Variants in CAMK1D observed in about 807,000 individuals in gnomAD.
CAMK1D encodes the protein calcium/calmodulin dependent protein kinase ID.
A neutral mutation model predicts 47.7 loss-of-function variants in CAMK1D; 9 were observed. That is an observed-to-expected ratio of 0.19 (90% CI 0.11 to 0.33). The LOEUF (loss-of-function observed/expected upper bound fraction) is 0.33. CAMK1D is among the 10% of genes least tolerant of loss of function. The pLI, the probability that CAMK1D is intolerant of heterozygous loss-of-function variation, is 1.00. For missense variants in CAMK1D, 291 were observed against 488.7 expected (o/e 0.60, Z 3.81); for synonymous variants, 184 against 184.9 (o/e 0.99, Z 0.04).
chr10:12,402,513 A>G (rs1055140817), intron 1 of CAMK1D, among the ~76,000 whole-genome samples: 1 of 152,182 alleles, frequency 6.6e-6, no homozygotes, highest in Non-Finnish European at 1.5e-5. Context: ...TTTATGCCAC[A>G]CTTAGTCATT....
intron 3 of CAMK1D, among the ~76,000 whole-genome samples, chr10:12,713,264 G>T (rs1834003117): frequency 6.6e-6 from 1 of 152,164 alleles, no homozygotes; most frequent in Non-Finnish European, 1.5e-5. Context: ...TAGTAACAGG[G>T]TTTCACCAAG....
At chr10:12,673,382 A>C (rs570858859) in intron 3 of CAMK1D, among the ~76,000 whole-genome samples, 1 of 152,208 alleles carries the variant, frequency 6.6e-6, no homozygotes, top group Non-Finnish European at 1.5e-5. Flanking sequence ...TGTTCAATTT[A>C]TTCTGAAATA....
At chr10:12,660,450 G>A (rs1840242739) in intron 2 of CAMK1D, among the ~76,000 whole-genome samples, 1 of 152,148 alleles carries the variant, frequency 6.6e-6, no homozygotes, top group Admixed American at 6.5e-5. Context: ...AACGGGGCCT[G>A]TTTGTACATT....
chr10:12,772,794 T>C lies in CAMK1D; in HGVS notation c.565+2995T>C, dbSNP rs140471329. 8.5e-3 allele frequency among the ~76,000 whole-genome samples: 1,287 copies of C among 152,170 alleles called. 40 individuals are homozygous for C. The highest frequency in any genetic ancestry group is 0.066 in the East Asian group (340 of 5,184). On this transcript the variant is annotated intron_variant, in intron 5 of 10. Transcript: ENST00000619168. ...TGTAGCAGTGGCGTTCTTCTATTGG[T>C]TTGTGTTGACTGAGCGCTGAAACTC...
At chr10:12,544,759 TG>T (rs1836305807) in intron 1 of CAMK1D, among the ~76,000 whole-genome samples, 1 of 152,194 alleles carries the variant, frequency 6.6e-6, no homozygotes, top group Non-Finnish European at 1.5e-5. Context: ...ATTGAGTGGA[TG>T]GTACTAGTGT....
intron 1 of CAMK1D, among the ~76,000 whole-genome samples, chr10:12,380,122 A>G (rs1291955675): frequency 2.6e-5 from 4 of 152,034 alleles, no homozygotes; most frequent in Non-Finnish European, 5.9e-5. Context: ...GGCTGAGGCA[A>G]GAGAATGGTG....
At chr10:12,710,498 C>T (rs527570126) in intron 3 of CAMK1D, among the ~76,000 whole-genome samples, 3 of 152,286 alleles carry the variant, frequency 2.0e-5, no homozygotes, top group East Asian at 1.9e-4. Flanking sequence ...CAAATGCCTT[C>T]GATACAGTCT....
At chr10:12,436,360 G>A (rs1317541007) in intron 1 of CAMK1D, among the ~76,000 whole-genome samples, 14 of 152,200 alleles carry the variant, frequency 9.2e-5, no homozygotes, top group Non-Finnish European at 1.5e-5. Flanking sequence ...CCCCCTCTCA[G>A]GGACATCCCT....
At chr10:12,392,120 T>C (rs1838756617) in intron 1 of CAMK1D, among the ~76,000 whole-genome samples, 1 of 151,976 alleles carries the variant, frequency 6.6e-6, no homozygotes, top group South Asian at 2.1e-4. Flanking sequence ...CTGACCAACA[T>C]GGTGAAACTC....
intron 1 of CAMK1D, among the ~76,000 whole-genome samples, chr10:12,398,590 C>G (rs1010483021): frequency 2.6e-5 from 4 of 152,150 alleles, no homozygotes; most frequent in African/African-American, 9.7e-5. Flanking sequence ...CTCAGGTGAT[C>G]CGCCCGCCTC....
At chr10:12,481,420 C>G (rs1479545988) in intron 1 of CAMK1D, among the ~76,000 whole-genome samples, 2 of 152,160 alleles carry the variant, frequency 1.3e-5, no homozygotes, top group Non-Finnish European at 2.9e-5. Context: ...CTTGACCCAC[C>G]AAACTATCTT....
chr10:12,511,446 A>T (rs960203013), intron 1 of CAMK1D, among the ~76,000 whole-genome samples: 6 of 152,274 alleles, frequency 3.9e-5, no homozygotes, highest in East Asian at 1.9e-4. Flanking sequence ...ACAAAAAAAA[A>T]TAATAAATAA....
At chr10:12,602,715 CT>C (rs2132391711) in intron 2 of CAMK1D, among the ~76,000 whole-genome samples, 1 of 152,034 alleles carries the variant, frequency 6.6e-6, no homozygotes, top group South Asian at 2.1e-4. Flanking sequence ...TGGGGAGGAC[CT>C]GCATTGTTTC....
chr10:12,581,234 C>T (rs1837653829), intron 2 of CAMK1D, among the ~76,000 whole-genome samples: 1 of 152,188 alleles, frequency 6.6e-6, no homozygotes, highest in South Asian at 2.1e-4. Flanking sequence ...CTTTTTATGG[C>T]TGAGTAGTAT....
At position 12,751,950 on chromosome 10, in the gene CAMK1D, C is replaced by G. The variant is rs1233211039; in HGVS notation, c.300-8998C>G. ...AGGCAATATTTGTTTTGTCTTTGCTCTTTCAAAGGCATTGTTGGGTCTTTC... is the reference window on the plus strand; with the variant it reads ...AGGCAATATTTGTTTTGTCTTTGCTGTTTCAAAGGCATTGTTGGGTCTTTC... On this transcript the variant is annotated intron_variant, in intron 3 of 10. Coordinates refer to ENST00000619168, the MANE Select transcript of CAMK1D (RefSeq NM_153498.4). Among the ~76,000 whole-genome samples the G allele has an allele frequency of 2.6e-5, 4 of 151,478 alleles. No homozygotes were observed. In the East Asian group the frequency reaches 7.7e-4, roughly 29 times the overall value.
intron 1 of CAMK1D, among the ~76,000 whole-genome samples, chr10:12,521,924 T>A (rs1176485408): frequency 6.6e-6 from 1 of 152,108 alleles, no homozygotes; most frequent in Non-Finnish European, 1.5e-5. Context: ...GCATGATACT[T>A]CTTCTCCCAT....
intron 1 of CAMK1D, among the ~76,000 whole-genome samples, chr10:12,487,370 C>G (rs1372691202): frequency 6.6e-6 from 1 of 152,102 alleles, no homozygotes; most frequent in Non-Finnish European, 1.5e-5. Flanking sequence ...AATGAACTAC[C>G]CCACACTTCT....
intron 2 of CAMK1D, among the ~76,000 whole-genome samples, chr10:12,661,530 A>T (rs79275666): frequency 0.012 from 1,761 of 152,358 alleles, 39 homozygotes; most frequent in African/African-American, 0.04. Flanking sequence ...TGAAATAATT[A>T]AAAATACTTA....
chr10:12,622,708 C>T (rs192472441), intron 2 of CAMK1D, among the ~76,000 whole-genome samples: 58 of 152,228 alleles, frequency 3.8e-4, no homozygotes, highest in African/African-American at 1.2e-3. Context: ...AGGAGACAAA[C>T]GCTGCCCTGG....
Sources: allele counts gnomAD v4.1 joint callset (sites outside exome capture counted in the v4.1 genomes callset), GRCh38; gene constraint gnomAD v4.1.1; transcripts MANE v1.5; gene names NCBI Gene and HGNC (gene_info 2026-07-23, HGNC 2026-07-21).